The following KCNH7 variants were observed in gnomAD, a reference collection of about 807,000 sequenced individuals.
KCNH7 encodes voltage-gated inwardly rectifying potassium channel KCNH7.
KCNH7 carries 49 observed loss-of-function variants against 120.8 expected under a neutral mutation model. That is an observed-to-expected ratio of 0.41 (90% CI 0.32 to 0.51). The LOEUF (loss-of-function observed/expected upper bound fraction) is 0.51, where lower values mean the gene tolerates loss of function less well. Among genes scored for constraint, KCNH7 ranks in the 20% least tolerant of loss-of-function variants. The pLI is 0.38. For missense variants in KCNH7, 1,097 were observed against 1,446.6 expected (o/e 0.76, Z 3.92); for synonymous variants, 547 against 516.1 (o/e 1.06, Z -0.81).
chr2:162,395,864 T>C (rs1019118970), intron 11 of KCNH7, among the ~76,000 whole-genome samples: 1 of 151,728 alleles, frequency 6.6e-6, no homozygotes, highest in African/African-American at 2.4e-5. Context: ...CCCTCTTACC[T>C]AACTATTGAC....
intron 2 of KCNH7, among the ~76,000 whole-genome samples, chr2:162,708,969 A>C (rs1024563877): frequency 6.6e-6 from 1 of 152,094 alleles, no homozygotes; most frequent in Non-Finnish European, 1.5e-5. Flanking sequence ...TTATCTTGTT[A>C]GTGCTACTAT....
intron 2 of KCNH7, among the ~76,000 whole-genome samples, chr2:162,709,137 C>T (rs34077939): frequency 0.081 from 12,250 of 151,946 alleles, 988 homozygotes; most frequent in African/African-American, 0.2. Context: ...AAAATAGAGA[C>T]GGTATTAGTA....
chr2:162,399,125 A>T (rs572410233), intron 10 of KCNH7, among the ~76,000 whole-genome samples: 2 of 151,902 alleles, frequency 1.3e-5, no homozygotes, highest in South Asian at 4.1e-4. Flanking sequence ...CCATTATTTA[A>T]GTGGAGCTGG....
intron 2 of KCNH7, among the ~76,000 whole-genome samples, chr2:162,678,778 G>T (rs1574256003): frequency 6.6e-6 from 1 of 151,476 alleles, no homozygotes; most frequent in Admixed American, 6.6e-5. Context: ...TCTTGTGATT[G>T]GTCATATTTT....
At chr2:162,423,558 T>G (rs781408030) in intron 8 of KCNH7, 23 bp from the exon 9 acceptor site, 3 of 1,603,656 alleles carry the variant, frequency 1.9e-6, no homozygotes. Context: ...AAAAACAAAG[T>G]TATCGGGGAA....
intron 2 of KCNH7, among the ~76,000 whole-genome samples, chr2:162,708,248 A>C (rs949309304): frequency 2.0e-5 from 3 of 152,054 alleles, no homozygotes; most frequent in African/African-American, 7.2e-5. Context: ...GGGAGTCCTT[A>C]AGACAAAGGA....
intron 2 of KCNH7, among the ~76,000 whole-genome samples, chr2:162,553,617 C>G (rs1233283031): frequency 6.6e-6 from 1 of 151,912 alleles, no homozygotes; most frequent in East Asian, 1.9e-4. Flanking sequence ...CCACTGCGGT[C>G]CATCCTGGGC....
At chr2:162,504,712 G>C in intron 5 of KCNH7, 55 bp from the exon 6 acceptor site, 1 of 1,159,242 alleles carries the variant, frequency 8.6e-7, no homozygotes, top group East Asian at 2.4e-5. Context: ...AGAAGAAAGA[G>C]ACAGTTCTGA....
chr2:162,744,729 C>T (rs552929719), intron 2 of KCNH7, among the ~76,000 whole-genome samples: 7 of 152,176 alleles, frequency 4.6e-5, no homozygotes, highest in African/African-American at 1.4e-4. Flanking sequence ...CCCACCACCA[C>T]GCCTGGCTAA....
At chr2:162,477,008 T>C (rs1689767633) in intron 6 of KCNH7, among the ~76,000 whole-genome samples, 2 of 152,240 alleles carry the variant, frequency 1.3e-5, no homozygotes, top group Non-Finnish European at 1.5e-5. Flanking sequence ...AATTAGGAAC[T>C]AGGGCATCTA....
chr2:162,498,052 G>T (rs957089852), intron 6 of KCNH7, among the ~76,000 whole-genome samples: 1 of 151,956 alleles, frequency 6.6e-6, no homozygotes, highest in Non-Finnish European at 1.5e-5. Flanking sequence ...ACTTTCCTTA[G>T]TAAAGCTACA....
chr2:162,513,208 CCCTTCCCT>C (rs1199077584), intron 4 of KCNH7, among the ~76,000 whole-genome samples: 159 of 123,274 alleles, frequency 1.3e-3, no homozygotes, highest in Middle Eastern at 5.2e-3. Flanking sequence ...TTCCCTTCCT[CCCTTCCCT>C]CCTTCCCTCC....
At chr2:162,728,170 CTT>C (rs71009369) in intron 2 of KCNH7, among the ~76,000 whole-genome samples, 2 of 142,996 alleles carry the variant, frequency 1.4e-5, no homozygotes, top group Non-Finnish European at 3.1e-5. Context: ...ACTTAATCAG[CTT>C]TTTTTTTTTT....
In KCNH7 at chr2:162,397,527, T is replaced by C. The variant is rs138715900; in HGVS notation, c.2408-582A>G. On this transcript the variant is annotated intron_variant, in intron 10 of 15. Transcript: ENST00000332142. ...TTCTCAACATATGTAGTCCTGCTTT[T>C]TGTTATATGGCCTTTGTTAGGGAAA... 1.9e-3 allele frequency among the ~76,000 whole-genome samples: 292 copies of C among 152,022 alleles called. 2 individuals carry two copies. Among genetic ancestry groups the C allele is most frequent in the Middle Eastern group, 3.4e-3 (1 of 294 alleles).
intron 2 of KCNH7, among the ~76,000 whole-genome samples, chr2:162,565,170 T>G (rs1693209847): frequency 6.6e-6 from 1 of 152,138 alleles, no homozygotes; most frequent in African/African-American, 2.4e-5. Flanking sequence ...GAGTAATTAT[T>G]TTCAACCTTC....
intron 2 of KCNH7, among the ~76,000 whole-genome samples, chr2:162,554,916 T>G (rs1692806430): frequency 6.6e-6 from 1 of 152,352 alleles, no homozygotes; most frequent in South Asian, 2.1e-4. Context: ...CCACATGGAA[T>G]AGCTTTCATT....
At chr2:162,527,369 C>T (rs907185857) in intron 3 of KCNH7, among the ~76,000 whole-genome samples, 2 of 151,944 alleles carry the variant, frequency 1.3e-5, no homozygotes, top group African/African-American at 4.8e-5. Context: ...TATTGCAGCT[C>T]TTCATCTTCA....
In KCNH7 at chr2:162,790,096, G is replaced by C. The variant is rs534760820; in HGVS notation, c.307+46441C>G. ...AACAACATTGACAAAACTTTAACTA[G>C]ATTATCTAAGAAAAAAGAGATGACT... On this transcript the variant is annotated intron_variant, in intron 2 of 15. Transcript: ENST00000332142. Among the ~76,000 whole-genome samples, 253 of 151,126 alleles carry C rather than the reference G, an allele frequency of 1.7e-3. 3 individuals are homozygous for C. Among genetic ancestry groups the C allele is most frequent in the South Asian group, 7.1e-3 (34 of 4,780 alleles).
Position 162,446,197 on chromosome 2 carries a change from C to T in KCNH7, c.1375G>A (p.Asp459Asn). Reference protein sequence around the residue: ...SPLNVVDLIVDIMFIIDILIN... With the variant: ...SPLNVVDLIVNIMFIIDILIN... ...AAAATATCTATGATAAACATAATAT[C>T]CACAATCAAGTCTACCACATTCAAA... Residue 459 changes from aspartate to asparagine, a missense_variant, in exon 7 of 16, where the codon GAT (aspartate) becomes AAT (asparagine). By Grantham distance (23) the Asp-to-Asn change is conservative. This residue lies in a region of KCNH7 where 109 missense variants were observed against 196.8 expected (regional missense o/e 0.55). Coordinates refer to ENST00000332142, the MANE Select transcript of KCNH7 (RefSeq NM_033272.4). 1 of 1,613,570 alleles carries T rather than the reference C, an allele frequency of 6.2e-7. No homozygotes were observed. Among genetic ancestry groups the T allele is most frequent in the Non-Finnish European group, 8.5e-7 (1 of 1,179,620 alleles).
Sources: allele counts gnomAD v4.1 joint callset (sites outside exome capture counted in the v4.1 genomes callset), GRCh38; gene constraint gnomAD v4.1.1; regional missense constraint gnomAD v4.1.1; transcripts MANE v1.5; gene names NCBI Gene and HGNC (gene_info 2026-07-23, HGNC 2026-07-21).